DDX18: variants seen among roughly 807,000 people sequenced by gnomAD.
The protein encoded by DDX18 is ATP-dependent RNA helicase DDX18.
In DDX18, 23 loss-of-function variants were observed where a neutral mutation model predicts 73.5. The observed-to-expected ratio is 0.31, with a 90% confidence interval of 0.23 to 0.44. The LOEUF (loss-of-function observed/expected upper bound fraction) is 0.44, where lower values mean the gene tolerates loss of function less well. DDX18 is among the 20% of genes least tolerant of loss of function. The probability of loss-of-function intolerance (pLI) is 1.00; values close to 1 mark genes in which losing one functional copy is unlikely to be tolerated. For synonymous variants in DDX18, 268 were observed against 282.7 expected (o/e 0.95, Z 0.52); for missense variants, 753 against 792.9 (o/e 0.95, Z 0.60).
chr2:117,815,060 G>T, intron 1 of DDX18, 198 bp downstream of exon 1: 2 of 600,040 alleles, frequency 3.3e-6, no homozygotes, highest in Non-Finnish European at 3.0e-6. Context: ...CGCTGCTCCT[G>T]ACCTTTCTGA....
chr2:117,817,441 CAG>C lies in DDX18; in HGVS notation c.86-2_86-1del, dbSNP rs1679777759. The C allele has an allele frequency of 6.3e-7, 1 of 1,593,086 alleles. No homozygotes were observed. The highest frequency in any genetic ancestry group is 8.5e-7 in the Non-Finnish European group (1 of 1,174,454). On this transcript the variant is annotated splice_acceptor_variant, in intron 1 of 13. Coordinates refer to ENST00000263239, the MANE Select transcript of DDX18 (RefSeq NM_006773.4). LOFTEE classifies it high-confidence loss of function. ...ACAGTATATGTTCTGTTTATTTAAA[CAG>C]GGGCCTCAAATCTGACCCTATCGGA... is the stretch of plus-strand genomic sequence containing the variant.
At position 117,814,838 on chromosome 2, in the gene DDX18, C is replaced by A. The variant is rs1319312650; in HGVS notation, c.61C>A (p.Arg21=). Residue 21 remains arginine (R), a synonymous_variant, in exon 1 of 14, where the codon CGG becomes AGG. Transcript: ENST00000263239. ...GATCGAGAAGCGGAACCTCAAATTG[C>A]GGCAGCGGAACCTAAAGTTTCAGGG... is the stretch of plus-strand genomic sequence containing the variant. ...KKIEKRNLKL[R]QRNLKFQGAS... The A allele has an allele frequency of 1.2e-6, 2 of 1,614,048 alleles. No individual in the cohort carries two copies. Among genetic ancestry groups the A allele is most frequent in the Non-Finnish European group, 1.7e-6 (2 of 1,180,036 alleles).
chr2:117,821,425 C>CT (rs1679845451), intron 4 of DDX18, 129 bp downstream of exon 4: 4 of 1,258,038 alleles, frequency 3.2e-6, no homozygotes, highest in Non-Finnish European at 4.4e-6. Context: ...ACATTAAAGG[C>CT]TTTAAGTTAA....
chr2:117,822,327 A>G (rs541940776), intron 7 of DDX18, 66 bp downstream of exon 7: 15 of 1,288,060 alleles, frequency 1.2e-5, no homozygotes, highest in Admixed American at 5.3e-5. Flanking sequence ...AGTTGTTCCT[A>G]TAGAAAAACT....
At chr2:117,826,082 A>G (rs931382965) in intron 10 of DDX18, 187 bp from the exon 11 acceptor site, 9 of 121,072 alleles carry the variant, frequency 7.4e-5, no homozygotes, top group Non-Finnish European at 1.2e-4. Flanking sequence ...TCATTGGCCT[A>G]TTGGGGGTGA....
At chr2:117,821,115 TA>T (rs3214497) in intron 3 of DDX18, 45 bp from the exon 4 acceptor site, 1,308,719 of 1,448,250 alleles carry the variant, frequency 0.9, 593,111 homozygotes, top group African/African-American at 0.93. Context: ...AATACTTTTT[TA>T]AAAAAAAAGA....
rs1679847276 is a variant in DDX18 at position 117,821,566 on chromosome 2, G to A, written c.651-84G>A. 3 of 1,444,132 alleles carry A rather than the reference G, an allele frequency of 2.1e-6. No homozygotes were observed. The South Asian group carries it at 3.5e-5, about 17-fold the overall frequency. 89.5% of individuals were successfully genotyped at this position (1,444,132 alleles called of 1,614,324 possible). ...GTAGACGTTTCTTGTTCATGTTCTA[G>A]CCGTAGTGCCTAAGGTGTGTGTATG... On this transcript the variant is annotated intron_variant, in intron 4 of 13. Coordinates refer to ENST00000263239, the MANE Select transcript of DDX18 (RefSeq NM_006773.4).
intron 13 of DDX18, among the ~76,000 whole-genome samples, 170 bp from the exon 14 acceptor site, chr2:117,830,412 A>T (rs1322325891): frequency 6.6e-6 from 1 of 152,076 alleles, no homozygotes; most frequent in African/African-American, 2.4e-5. Flanking sequence ...TCACGTGGCC[A>T]CTCCTAATTT....
chr2:117,826,106 A>ATTGCTGGC (rs1436993479), intron 10 of DDX18, 163 bp from the exon 11 acceptor site: 2 of 316,774 alleles, frequency 6.3e-6, no homozygotes, highest in African/African-American at 2.9e-5. Context: ...GCACAGAGCG[A>ATTGCTGGC]TTGCTGGCCC....
At chr2:117,824,510 G>A in intron 7 of DDX18, 59 bp from the exon 8 acceptor site, 1 of 1,301,764 alleles carries the variant, frequency 7.7e-7, no homozygotes, top group Non-Finnish European at 9.9e-7. Flanking sequence ...TTGTAGTTGT[G>A]AGGCAATTGT....
At chr2:117,815,139 C>T (rs1424977287) in intron 1 of DDX18, 11 of 436,304 alleles carry the variant, frequency 2.5e-5, no homozygotes, top group Non-Finnish European at 3.7e-5. Flanking sequence ...TACGACTAAC[C>T]CTGCCTTTTG....
chr2:117,818,219 G>T (rs1450456109), intron 2 of DDX18, among the ~76,000 whole-genome samples: 2 of 152,150 alleles, frequency 1.3e-5, no homozygotes, highest in Non-Finnish European at 2.9e-5. Flanking sequence ...ATGAAAGAAT[G>T]GACATTATAA....
At position 117,826,370 on chromosome 2, in the gene DDX18, G is replaced by A. The variant is rs1353330044; in HGVS notation, c.1623G>A (p.Leu541=). ...RPEELGFLRY[L]KQSKVPLSEF... ...AAGAATTGGGTTTTCTTCGCTACTT[G>A]AAACAATCCAAGGTAAAGATCTGTA... is the stretch of plus-strand genomic sequence containing the variant. Residue 541 remains leucine (L), a synonymous_variant, in exon 11 of 14, where the codon TTG becomes TTA. Coordinates refer to ENST00000263239, the MANE Select transcript of DDX18 (RefSeq NM_006773.4). 6.2e-7 allele frequency: 1 copy of A among 1,613,752 alleles called. No homozygotes were observed.
intron 10 of DDX18, chr2:117,826,022 A>G (rs944176279): frequency 2.4e-6 from 1 of 416,792 alleles, no homozygotes; most frequent in Admixed American, 4.2e-5. Flanking sequence ...TAATGCAAAC[A>G]TCATGTCCAG....
chr2:117,825,799 T>A (rs1233029374), intron 10 of DDX18, 200 bp downstream of exon 10: 3 of 540,220 alleles, frequency 5.6e-6, no homozygotes, highest in Non-Finnish European at 9.5e-6. Context: ...TTGAAAAGGA[T>A]CAGTGGGACT....
At chr2:117,822,995 G>A (rs1223832514) in intron 7 of DDX18, among the ~76,000 whole-genome samples, 1 of 152,148 alleles carries the variant, frequency 6.6e-6, no homozygotes, top group Non-Finnish European at 1.5e-5. Context: ...TATATGTTTA[G>A]TGTATGTTTA....
chr2:117,817,408 T>G (rs756004672), intron 1 of DDX18, 36 bp from the exon 2 acceptor site: 1 of 1,527,064 alleles, frequency 6.5e-7, no homozygotes, highest in Non-Finnish European at 8.8e-7. Flanking sequence ...AACTTCTCCT[T>G]CTTTGTCACA....
rs79820069 is a variant in DDX18 at position 117,819,069 on chromosome 2, A to G, written c.371-580A>G. On this transcript the variant is annotated intron_variant, in intron 2 of 13. Coordinates refer to ENST00000263239, the MANE Select transcript of DDX18 (RefSeq NM_006773.4). The stretch of plus-strand genomic sequence containing the variant: ...TATAAACACAGCATGTGGTTAATCC[A>G]TTTGACCCAGAGTCGAACATTGAAA... Among the ~76,000 whole-genome samples the G allele has an allele frequency of 3.7e-3, 563 of 152,310 alleles. 4 individuals carry two copies. The highest frequency in any genetic ancestry group is 0.012 in the African/African-American group (508 of 41,562).
rs1680025408 is a variant in DDX18, at chr2:117,831,559, G to A, written c.*835G>A. Reference sequence around the variant, plus strand: ...CCTCATTAAGATTTGTTTAATTCAAGGTGGTTTGGATTTGGTAAGCCTTTG... The same window carrying A: ...CCTCATTAAGATTTGTTTAATTCAAAGTGGTTTGGATTTGGTAAGCCTTTG... On this transcript the variant is annotated 3_prime_UTR_variant, in exon 14 of 14. Transcript: ENST00000263239. 1 of 151,988 alleles carries A rather than the reference G, an allele frequency of 6.6e-6. No homozygotes were observed. The highest frequency in any genetic ancestry group is 1.5e-5 in the Non-Finnish European group (1 of 68,044). The allele number at this position is 151,988 out of a possible 1,614,324, so 9.4% of individuals were successfully genotyped here. A position where few individuals can be genotyped will look rare whatever the true frequency, so the allele number is the denominator to read the frequency against.
Sources: gnomAD v4.1 joint callset for allele counts (sites outside exome capture counted in the v4.1 genomes callset) on GRCh38, gnomAD v4.1.1 for gene constraint, MANE v1.5 for transcripts, NCBI Gene and HGNC (gene_info 2026-07-23, HGNC 2026-07-21) for gene names.